SRGAP3: variants seen among roughly 807,000 people sequenced by gnomAD.
The protein encoded by SRGAP3 is SLIT-ROBO Rho GTPase-activating protein 3.
SRGAP3 carries 39 observed loss-of-function variants against 121.1 expected under a neutral mutation model. The observed-to-expected ratio is 0.32, with a 90% CI of 0.25 to 0.42. The LOEUF (loss-of-function observed/expected upper bound fraction) is 0.42, where lower values mean the gene tolerates loss of function less well. Ranked by LOEUF, SRGAP3 falls within the 10% of genes least tolerant of loss-of-function variation. The pLI, the probability that SRGAP3 is intolerant of heterozygous loss-of-function variation, is 1.00. For missense variants in SRGAP3, 1,213 were observed against 1,470.6 expected (o/e 0.82, Z 2.86); for synonymous variants, 601 against 570.0 (o/e 1.05, Z -0.77).
chr3:9,145,503 T>C (rs981628294), intron 1 of SRGAP3, among the ~76,000 whole-genome samples: 3 of 152,242 alleles, frequency 2.0e-5, no homozygotes, highest in African/African-American at 7.2e-5. Context: ...ATGGCTAACC[T>C]AGTTCATATT....
chr3:9,046,216 C>T (rs931604656), intron 10 of SRGAP3, among the ~76,000 whole-genome samples: 6 of 152,070 alleles, frequency 3.9e-5, no homozygotes, highest in Non-Finnish European at 7.4e-5. Context: ...CCCCAAAGTT[C>T]CCCAGCCCTT....
At chr3:9,346,267 T>C (rs575496316) in intron 1 of SRGAP3, among the ~76,000 whole-genome samples, 68 of 152,040 alleles carry the variant, frequency 4.5e-4, no homozygotes, top group Non-Finnish European at 6.2e-4. Flanking sequence ...TTTTTAGAGA[T>C]TGGGTCTTGC....
chr3:9,098,798 C>T (rs1479808657), intron 3 of SRGAP3, among the ~76,000 whole-genome samples: 2 of 152,222 alleles, frequency 1.3e-5, no homozygotes, highest in African/African-American at 4.8e-5. Context: ...TTATTGTTTA[C>T]CTACTGTCAT....
At chr3:9,276,805 A>C (rs1481331855) in intron 3 of SRGAP3, among the ~76,000 whole-genome samples, 2 of 152,140 alleles carry the variant, frequency 1.3e-5, no homozygotes, top group Non-Finnish European at 2.9e-5. Context: ...CCTCTTCAAC[A>C]CTAGTTCCAC....
intron 3 of SRGAP3, among the ~76,000 whole-genome samples, chr3:9,306,196 C>T (rs1955158396): frequency 6.6e-6 from 1 of 152,168 alleles, no homozygotes; most frequent in Admixed American, 6.5e-5. Context: ...TGTTTTTTGG[C>T]TGCATAAATG....
chr3:9,313,288 T>G (rs1167147102), intron 3 of SRGAP3, among the ~76,000 whole-genome samples: 2 of 152,228 alleles, frequency 1.3e-5, no homozygotes, highest in Non-Finnish European at 2.9e-5. Flanking sequence ...AACTGCCACT[T>G]TCTCAATGAA....
intron 3 of SRGAP3, among the ~76,000 whole-genome samples, chr3:9,310,577 C>G (rs1171917379): frequency 3.9e-5 from 6 of 152,070 alleles, no homozygotes; most frequent in Non-Finnish European, 7.4e-5. Flanking sequence ...AGAGACATTC[C>G]CCTCTTCACT....
intron 1 of SRGAP3, among the ~76,000 whole-genome samples, chr3:9,168,805 G>A (rs1368659082): frequency 6.6e-6 from 1 of 152,110 alleles, no homozygotes; most frequent in Non-Finnish European, 1.5e-5. Context: ...TTCATTTTTT[G>A]GGCCCCTACT....
intron 1 of SRGAP3, among the ~76,000 whole-genome samples, chr3:9,330,924 G>C (rs1955595616): frequency 6.6e-6 from 1 of 152,158 alleles, no homozygotes; most frequent in Non-Finnish European, 1.5e-5. Context: ...TACTAAGTTA[G>C]GTTTTTGTCT....
At chr3:9,306,809 A>G (rs11917908) in intron 3 of SRGAP3, among the ~76,000 whole-genome samples, 2,998 of 152,350 alleles carry the variant, frequency 0.02, 76 homozygotes, top group African/African-American at 0.068. Flanking sequence ...CACAAAAAAA[A>G]GTCACAAAAA....
chr3:9,058,712 CTCTTTTT>C, intron 6 of SRGAP3: 7 of 410,806 alleles, frequency 1.7e-5, no homozygotes, highest in South Asian at 2.8e-5. Flanking sequence ...CTTTCTCTCT[CTCTTTTT>C]TTTTTTTTTT....
At chr3:9,188,057 G>C (rs1289460429) in intron 1 of SRGAP3, among the ~76,000 whole-genome samples, 1 of 152,148 alleles carries the variant, frequency 6.6e-6, no homozygotes, top group Non-Finnish European at 1.5e-5. Flanking sequence ...AGGGGAGAAA[G>C]AATACAAGAC....
rs534659226 is a variant in SRGAP3, at chr3:9,106,363, G to A, written c.261-1521C>T. The stretch of plus-strand genomic sequence containing the variant: ...GGGGAGAGGCCCTTCCACCACCTGA[G>A]GTGGCAGCTCCAGGGTTCCCCCAGG... On this transcript the variant is annotated intron_variant, in intron 2 of 21. Coordinates refer to ENST00000383836, the MANE Select transcript of SRGAP3 (RefSeq NM_014850.4). Among the ~76,000 whole-genome samples, 3 of 152,326 alleles carry A rather than the reference G, an allele frequency of 2.0e-5. No individual in the cohort carries two copies. In the South Asian group the frequency reaches 6.2e-4, roughly 32 times the overall value.
intron 3 of SRGAP3, among the ~76,000 whole-genome samples, chr3:9,279,876 A>T (rs371772035): frequency 2.0e-5 from 3 of 152,182 alleles, no homozygotes; most frequent in East Asian, 3.9e-4. Context: ...GGCAGACCCC[A>T]CAATGGACAC....
At chr3:9,041,698 C>T (rs1945019572) in intron 10 of SRGAP3, among the ~76,000 whole-genome samples, 3 of 152,234 alleles carry the variant, frequency 2.0e-5, no homozygotes, top group Admixed American at 2.0e-4. Context: ...CTCTCCGTTT[C>T]CTAATATTCT....
intron 1 of SRGAP3, among the ~76,000 whole-genome samples, chr3:9,132,066 G>A (rs1474630224): frequency 2.0e-5 from 3 of 152,130 alleles, no homozygotes; most frequent in Non-Finnish European, 2.9e-5. Context: ...GCAATAGTAG[G>A]AAGATTCTTC....
intron 1 of SRGAP3, among the ~76,000 whole-genome samples, chr3:9,207,267 G>A (rs1038001573): frequency 6.6e-6 from 1 of 152,150 alleles, no homozygotes; most frequent in Non-Finnish European, 1.5e-5. Flanking sequence ...CTGCAAGCCG[G>A]TTTTATAACC....
chr3:9,015,818 G>T, intron 14 of SRGAP3, 87 bp from the exon 15 acceptor site: 1 of 1,545,832 alleles, frequency 6.5e-7, no homozygotes, highest in Non-Finnish European at 8.9e-7. Context: ...ACCTGGTCCA[G>T]CCTGAACCAC....
At chr3:9,011,685 G>T (rs1276016359) in intron 17 of SRGAP3, among the ~76,000 whole-genome samples, 7 of 152,126 alleles carry the variant, frequency 4.6e-5, no homozygotes, top group East Asian at 3.8e-4. Flanking sequence ...TGCACCAGGG[G>T]TCAACCTTGT....
Sources: gnomAD v4.1 joint callset for allele counts (sites outside exome capture counted in the v4.1 genomes callset) on GRCh38, gnomAD v4.1.1 for gene constraint, MANE v1.5 for transcripts, NCBI Gene and HGNC (gene_info 2026-07-23, HGNC 2026-07-21) for gene names.